Variants in JAK3 observed in about 807,000 individuals in gnomAD.
JAK3 encodes tyrosine-protein kinase JAK3.
A neutral mutation model predicts 120.8 loss-of-function variants in JAK3; 88 were observed. That is an observed-to-expected ratio of 0.73 (90% CI 0.61 to 0.87). JAK3 has a LOEUF of 0.87. JAK3 is among the 40% of genes least tolerant of loss of function. The pLI is 0.00. For missense variants in JAK3, 1,254 were observed against 1,501.4 expected, an observed-to-expected ratio of 0.84 and a Z score of 2.72; for synonymous variants, 592 against 628.6, an observed-to-expected ratio of 0.94 and a Z score of 0.87.
chr19:17,847,024 A>G (rs887613680), intron 1 of JAK3, among the ~76,000 whole-genome samples: 6 of 152,020 alleles, frequency 3.9e-5, no homozygotes, highest in Non-Finnish European at 8.8e-5. Flanking sequence ...CAGCCTCCTG[A>G]GTAGCTGGAA....
rs201371931 is a variant in JAK3, at chr19:17,837,196, C to T, written c.1719G>A (p.Ala573=). 5.7e-6 allele frequency: 9 copies of T among 1,570,190 alleles called. No homozygotes were observed. Among genetic ancestry groups the T allele is most frequent in the Middle Eastern group, 1.8e-4 (1 of 5,436 alleles). The change falls in exon 13 of 24, where the codon GCG becomes GCA. Residue 573 remains alanine (A), a synonymous_variant. Transcript: ENST00000458235. ...KNCMESFLEA[A]SLMSQVSYRH... ...GGTACGACACTTGGCTCATCAAGCT[C>T]GCTGCTTCCAGGAATGACTGGGGAA... is the stretch of plus-strand genomic sequence containing the variant.
intron 1 of JAK3, 102 bp from the exon 2 acceptor site, chr19:17,844,532 C>T (rs2094247805): frequency 9.8e-7 from 1 of 1,024,970 alleles, no homozygotes; most frequent in Non-Finnish European, 1.4e-6. Context: ...GGTGCGGTGG[C>T]TTATGCCTGT....
chr19:17,833,065 G>A, intron 17 of JAK3, 136 bp from the exon 18 acceptor site: 1 of 1,466,642 alleles, frequency 6.8e-7, no homozygotes, highest in Non-Finnish European at 9.1e-7. Context: ...AAGCCAAAGG[G>A]TACCTTGTGG....
In JAK3 at chr19:17,831,650, A is replaced by G. The variant is rs2147676530; in HGVS notation, c.2805+24T>C. ...CAGGCCGTGCCAGCTGAATCCCCAC[A>G]AGTCCCGGGGCGCCCCCTCGCACCT... is the stretch of plus-strand genomic sequence containing the variant. On this transcript the variant is annotated intron_variant, in intron 20 of 23. Transcript: ENST00000458235. This position sits in a 1 kb window ranked among gnomAD's most constrained non-coding sequence, Gnocchi z 5.1. 6.3e-7 allele frequency: 1 copy of G among 1,598,020 alleles called. No individual in the cohort carries two copies. The highest frequency in any genetic ancestry group is 8.5e-7 in the Non-Finnish European group (1 of 1,173,896).
chr19:17,831,141 A>G lies in JAK3; in HGVS notation c.2978+87T>C. ...AAGGGCGGGGCTAAGGCTGGGGAGC[A>G]AAGCAGCGGGAGGGGGCGGGGGCAT... On this transcript the variant is annotated intron_variant, in intron 21 of 23. Coordinates refer to ENST00000458235, the MANE Select transcript of JAK3 (RefSeq NM_000215.4). This position sits in a 1 kb window ranked among gnomAD's most constrained non-coding sequence, Gnocchi z 5.1. The G allele has an allele frequency of 7.0e-7, 1 of 1,427,002 alleles. No individual in the cohort carries two copies. The highest frequency in any genetic ancestry group is 9.5e-7 in the Non-Finnish European group (1 of 1,053,472). 88.4% of individuals were successfully genotyped at this position (1,427,002 alleles called of 1,614,324 possible).
intron 1 of JAK3, among the ~76,000 whole-genome samples, chr19:17,846,480 C>T (rs997190630): frequency 1.3e-5 from 2 of 152,232 alleles, no homozygotes; most frequent in Admixed American, 6.5e-5. Context: ...AGCCCCATCT[C>T]TCCCACAGAG....
chr19:17,838,166 C>A (rs1270803839), intron 11 of JAK3, 97 bp downstream of exon 11: 2 of 1,612,574 alleles, frequency 1.2e-6, no homozygotes, highest in Non-Finnish European at 1.7e-6. Context: ...GATGGGAAAA[C>A]CGAGGCAAGG....
chr19:17,831,469 C>T lies in JAK3; in HGVS notation c.2806-69G>A, dbSNP rs1568401386. Reference sequence around the variant, plus strand: ...ATCCGGCAGGTACCCCAAGCGTGACCTGGCACCCCAACCCAGACCCCAACT... The same window carrying T: ...ATCCGGCAGGTACCCCAAGCGTGACTTGGCACCCCAACCCAGACCCCAACT... On this transcript the variant is annotated intron_variant, in intron 20 of 23. Transcript: ENST00000458235. This position sits in a 1 kb window ranked among gnomAD's most constrained non-coding sequence, Gnocchi z 5.1. The T allele has an allele frequency of 1.3e-6, 2 of 1,586,258 alleles. No individual in the cohort carries two copies. The highest frequency in any genetic ancestry group is 1.3e-5 in the African/African-American group (1 of 74,568).
Position 17,839,420 on chromosome 19 carries a change from A to T in JAK3, c.1441+57T>A, listed in dbSNP as rs892562521. On this transcript the variant is annotated intron_variant, in intron 10 of 23. Coordinates refer to ENST00000458235, the MANE Select transcript of JAK3 (RefSeq NM_000215.4). Reference sequence around the variant, plus strand: ...GCCACCCACACAGGAGCTGTCACAGACATAGAAAGCCAGGGTCCCAGATCA... The same window carrying T: ...GCCACCCACACAGGAGCTGTCACAGTCATAGAAAGCCAGGGTCCCAGATCA... 4.7e-6 allele frequency: 7 copies of T among 1,502,430 alleles called. No individual in the cohort carries two copies. In the Middle Eastern group the frequency reaches 1.0e-3, roughly 219 times the overall value. 93.1% of individuals were successfully genotyped at this position (1,502,430 alleles called of 1,614,324 possible).
rs972509380 is a variant in JAK3 at position 17,825,106 on chromosome 19, A to G, written c.*1637T>C. On this transcript the variant is annotated 3_prime_UTR_variant, in exon 24 of 24. Transcript: ENST00000458235. ...AACCTGCATGAGAATCCCTCTCACC[A>G]GTCAGAAAGTTGACCCTGCACAGCC... 4.4e-6 allele frequency: 1 copy of G among 229,456 alleles called. No individual in the cohort carries two copies. Among genetic ancestry groups the G allele is most frequent in the African/African-American group, 2.2e-5 (1 of 45,102 alleles). The allele number at this position is 229,456 out of a possible 1,614,324, so 14.2% of individuals were successfully genotyped here.
At position 17,832,068 on chromosome 19, in the gene JAK3, C is replaced by A. The variant is rs1337438843; in HGVS notation, c.2681-270G>T. 6.6e-6 allele frequency among the ~76,000 whole-genome samples: 1 copy of A among 152,160 alleles called. No homozygotes were observed. The highest frequency in any genetic ancestry group is 2.4e-5 in the African/African-American group (1 of 41,448). ...CTTGAGGTCAGGAGTTCAAGACCAG[C>A]CTGGCCAACATGGTGAAAACCCATC... On this transcript the variant is annotated intron_variant, in intron 19 of 23. Coordinates refer to ENST00000458235, the MANE Select transcript of JAK3 (RefSeq NM_000215.4). This position sits in a 1 kb window ranked among gnomAD's most constrained non-coding sequence, Gnocchi z 4.7.
intron 21 of JAK3, among the ~76,000 whole-genome samples, chr19:17,830,883 A>C (rs891412762): frequency 1.3e-4 from 1 of 7,464 alleles, no homozygotes; most frequent in Non-Finnish European, 2.5e-4. Context: ...TGGGAGGGGG[A>C]GGGGCCAGAA....
At chr19:17,826,969 C>A in intron 23 of JAK3, 59 bp from the exon 24 acceptor site, 1 of 1,560,798 alleles carries the variant, frequency 6.4e-7, no homozygotes, top group South Asian at 1.1e-5. Flanking sequence ...GACACAACTC[C>A]CATTCAGCGT....
At chr19:17,827,626 T>C (rs141877820) in intron 23 of JAK3, among the ~76,000 whole-genome samples, 3,239 of 147,392 alleles carry the variant, frequency 0.022, 123 homozygotes, top group African/African-American at 0.077. Context: ...GGATTACAGG[T>C]GTGAGCCACC....
At chr19:17,846,932 C>T (rs1267240862) in intron 1 of JAK3, among the ~76,000 whole-genome samples, 1 of 151,680 alleles carries the variant, frequency 6.6e-6, no homozygotes, top group Non-Finnish European at 1.5e-5. Flanking sequence ...GATTCTTGTT[C>T]TGTCTCCCAG....
rs201420418 is a variant in JAK3 at position 17,847,918 on chromosome 19, C to G, written c.-14+28G>C. The G allele has an allele frequency of 3.0e-5, 30 of 992,632 alleles. No individual in the cohort carries two copies. In the African/African-American group the frequency reaches 4.7e-4, roughly 15 times the overall value. The allele number at this position is 992,632 out of a possible 1,614,324, so 61.5% of individuals were successfully genotyped here. A position where few individuals can be genotyped will look rare whatever the true frequency, so the allele number is the denominator to read the frequency against. On this transcript the variant is annotated intron_variant, in intron 1 of 23. Coordinates refer to ENST00000458235, the MANE Select transcript of JAK3 (RefSeq NM_000215.4). Reference sequence around the variant, plus strand: ...CACCATCCTCCCCCAGTGTCTGGGCCGAGCCCTGCGGCATCGCCAGCTCTT... The same window carrying G: ...CACCATCCTCCCCCAGTGTCTGGGCGGAGCCCTGCGGCATCGCCAGCTCTT...
At chr19:17,838,712 AT>A (rs35486965) in intron 10 of JAK3, among the ~76,000 whole-genome samples, 235 of 99,316 alleles carry the variant, frequency 2.4e-3, no homozygotes, top group East Asian at 3.9e-3. Flanking sequence ...TGCCCGGCTA[AT>A]TTTTTTTTTT....
Position 17,830,496 on chromosome 19 carries a change from G to C in JAK3, c.3096+7C>G, listed in dbSNP as rs779731748. 1 of 1,609,592 alleles carries C rather than the reference G, an allele frequency of 6.2e-7. No homozygotes were observed. The highest frequency in any genetic ancestry group is 8.5e-7 in the Non-Finnish European group (1 of 1,176,606). On this transcript the variant is annotated splice_region_variant and intron_variant, in intron 22 of 23. Transcript: ENST00000458235. ...AGAAGGCTGGGGGCTCTGGGAAGCC[G>C]ACTCACGGCCGAGGGGCTGCAGCTT...
In JAK3 at chr19:17,843,002, G is replaced by C; in HGVS notation, c.566+25C>G. 4.4e-6 allele frequency: 7 copies of C among 1,608,506 alleles called. No homozygotes were observed. The highest frequency in any genetic ancestry group is 5.9e-6 in the Non-Finnish European group (7 of 1,179,614). The stretch of plus-strand genomic sequence containing the variant: ...CGTTGCTCACTCCCAAGCAGAGGCC[G>C]TCCCCACAGCCTGGTGGCTCTCACC... On this transcript the variant is annotated intron_variant, in intron 5 of 23. Coordinates refer to ENST00000458235, the MANE Select transcript of JAK3 (RefSeq NM_000215.4). This position sits in a 1 kb window ranked among gnomAD's most constrained non-coding sequence, Gnocchi z 5.4.
Sources: allele counts gnomAD v4.1 joint callset (sites outside exome capture counted in the v4.1 genomes callset), GRCh38; gene constraint gnomAD v4.1.1; non-coding constraint Gnocchi (gnomAD v3.1); transcripts MANE v1.5; gene names NCBI Gene and HGNC (gene_info 2026-07-23, HGNC 2026-07-21).